EVA1C: variants seen among roughly 807,000 people sequenced by gnomAD.
The protein encoded by EVA1C is protein eva-1 homolog C.
EVA1C carries 25 observed loss-of-function variants against 45.4 expected under a neutral mutation model. That is an observed-to-expected ratio of 0.55 (90% CI 0.40 to 0.77). EVA1C has a LOEUF of 0.77. EVA1C is among the 30% of genes least tolerant of loss of function. EVA1C has a pLI of 0.00. For missense variants in EVA1C, 479 were observed against 554.8 expected (o/e 0.86, Z 1.37); for synonymous variants, 190 against 221.2 (o/e 0.86, Z 1.25).
intron 1 of EVA1C, among the ~76,000 whole-genome samples, chr21:32,443,104 G>A (rs1047603680): frequency 2.6e-5 from 4 of 152,162 alleles, no homozygotes; most frequent in Admixed American, 1.3e-4. Context: ...GGGCAGCCAC[G>A]GGGCTATGTA....
At chr21:32,494,690 G>T (rs1221415288) in intron 4 of EVA1C, among the ~76,000 whole-genome samples, 1 of 152,058 alleles carries the variant, frequency 6.6e-6, no homozygotes, top group African/African-American at 2.4e-5. Context: ...GGCTGAGGCA[G>T]GAGAATTGCT....
At chr21:32,440,030 C>T (rs2035115016) in intron 1 of EVA1C, among the ~76,000 whole-genome samples, 1 of 151,392 alleles carries the variant, frequency 6.6e-6, no homozygotes, top group Non-Finnish European at 1.5e-5. Flanking sequence ...GAAAGGCTGT[C>T]TAAGCGGGTG....
Position 32,457,651 on chromosome 21 carries a change from C to G in EVA1C, c.412C>G (p.Arg138Gly). Residue 138 changes from arginine (R) to glycine (G), a missense_variant, in exon 3 of 8, where the codon CGT (arginine) becomes GGT (glycine). Physicochemically the swap from Arg to Gly is moderately radical, Grantham distance 125 (BLOSUM62 -2). Coordinates refer to ENST00000300255, the MANE Select transcript of EVA1C (RefSeq NM_058187.5). ...QRACHLLVNS[R>G]VFGPDLCPGS... is the part of the protein sequence containing the mutation. ...GGCCTGCCACCTCCTGGTCAATAGC[C>G]GTGTTTTTGGACCTGACCTTTGTCC... 2.5e-6 allele frequency: 4 copies of G among 1,614,086 alleles called. No individual in the cohort carries two copies. Among genetic ancestry groups the G allele is most frequent in the Middle Eastern group, 1.6e-4 (1 of 6,062 alleles).
At chr21:32,501,659 G>A (rs1250137302) in intron 6 of EVA1C, 164 bp downstream of exon 6, 1 of 752,520 alleles carries the variant, frequency 1.3e-6, no homozygotes, top group African/African-American at 1.8e-5. Flanking sequence ...GCCAATAGTT[G>A]CAAATGGTGA....
chr21:32,484,204 A>G (rs1242404887), intron 4 of EVA1C, among the ~76,000 whole-genome samples: 1 of 152,158 alleles, frequency 6.6e-6, no homozygotes, highest in African/African-American at 2.4e-5. Flanking sequence ...TCCCTGGAAC[A>G]TAGTTCGATG....
At chr21:32,509,264 G>A (rs2037869531) in intron 7 of EVA1C, among the ~76,000 whole-genome samples, 1 of 152,238 alleles carries the variant, frequency 6.6e-6, no homozygotes, top group African/African-American at 2.4e-5. Flanking sequence ...TGACTAGGAA[G>A]CCTTGTTCCC....
chr21:32,494,085 C>A (rs2146402867), intron 4 of EVA1C, among the ~76,000 whole-genome samples: 1 of 152,334 alleles, frequency 6.6e-6, no homozygotes, highest in Admixed American at 6.5e-5. Context: ...CAGGCGTGAG[C>A]CACTGTGCCT....
At chr21:32,473,574 C>G (rs1417622404) in intron 4 of EVA1C, among the ~76,000 whole-genome samples, 4 of 152,232 alleles carry the variant, frequency 2.6e-5, no homozygotes, top group Non-Finnish European at 5.9e-5. Flanking sequence ...AGTCCCAGGG[C>G]GGTCCCATGG....
intron 1 of EVA1C, among the ~76,000 whole-genome samples, chr21:32,447,615 A>T (rs927533185): frequency 1.3e-5 from 2 of 151,596 alleles, no homozygotes; most frequent in Non-Finnish European, 2.9e-5. Context: ...GATCCTGGGG[A>T]TTAAGGCCTG....
intron 1 of EVA1C, among the ~76,000 whole-genome samples, chr21:32,444,524 C>T (rs192422048): frequency 1.1e-3 from 175 of 152,244 alleles, no homozygotes; most frequent in African/African-American, 4.0e-3. Flanking sequence ...GGAAGCAGTG[C>T]GGAGCTTCTG....
chr21:32,501,637 C>A (rs1053505922), intron 6 of EVA1C, 142 bp downstream of exon 6: 9 of 970,816 alleles, frequency 9.3e-6, no homozygotes, highest in South Asian at 2.1e-5. Context: ...GTGATAATAG[C>A]GCTTATTATC....
intron 3 of EVA1C, among the ~76,000 whole-genome samples, chr21:32,458,143 A>T (rs1601319343): frequency 6.6e-6 from 1 of 152,116 alleles, no homozygotes; most frequent in Non-Finnish European, 1.5e-5. Context: ...CCCACTTGCC[A>T]CCTGCGCCCA....
intron 1 of EVA1C, among the ~76,000 whole-genome samples, chr21:32,442,296 G>A (rs1026022414): frequency 1.3e-5 from 2 of 152,156 alleles, no homozygotes; most frequent in South Asian, 4.1e-4. Context: ...GGTGGCTCTA[G>A]TTCTCTTCAC....
chr21:32,485,791 C>T (rs1348057239), intron 4 of EVA1C, among the ~76,000 whole-genome samples: 1 of 152,200 alleles, frequency 6.6e-6, no homozygotes, highest in Non-Finnish European at 1.5e-5. Flanking sequence ...ACACTGAGAC[C>T]TAAGTCAAGT....
intron 1 of EVA1C, among the ~76,000 whole-genome samples, chr21:32,450,383 ATTT>A (rs3056328): frequency 7.6e-5 from 11 of 145,590 alleles, no homozygotes; most frequent in South Asian, 2.2e-4. Flanking sequence ...GAGCCTTGTC[ATTT>A]TTTTTTTTTT....
intron 7 of EVA1C, among the ~76,000 whole-genome samples, chr21:32,510,441 C>T (rs2037910844): frequency 1.3e-5 from 2 of 152,050 alleles, no homozygotes; most frequent in African/African-American, 4.8e-5. Context: ...AGTGATGTGA[C>T]CCAATGTGTG....
chr21:32,412,650 C>A (rs2033862771), upstream of EVA1C: 3 of 430,884 alleles, frequency 7.0e-6, no homozygotes, highest in Non-Finnish European at 1.2e-5. Context: ...CCTCGCCCCG[C>A]CCCAGTTCTC....
At position 32,457,654 on chromosome 21, in the gene EVA1C, G is replaced by A; in HGVS notation, c.415G>A (p.Val139Ile). Residue 139 changes from valine to isoleucine, a missense_variant, in exon 3 of 8, where the codon GTT becomes ATT. Physicochemically the swap from Val to Ile is conservative, Grantham distance 29. Transcript: ENST00000300255. Reference protein sequence around the residue: ...RACHLLVNSRVFGPDLCPGSS... With the variant: ...RACHLLVNSRIFGPDLCPGSS... Reference sequence around the variant, plus strand: ...CTGCCACCTCCTGGTCAATAGCCGTGTTTTTGGACCTGACCTTTGTCCAGG... The same window carrying A: ...CTGCCACCTCCTGGTCAATAGCCGTATTTTTGGACCTGACCTTTGTCCAGG... 2 of 1,614,162 alleles carry A rather than the reference G, an allele frequency of 1.2e-6. No homozygotes were observed. Among genetic ancestry groups the A allele is most frequent in the South Asian group, 1.1e-5 (1 of 91,086 alleles).
intron 7 of EVA1C, among the ~76,000 whole-genome samples, chr21:32,504,982 A>G (rs1324741698): frequency 1.3e-5 from 2 of 152,014 alleles, no homozygotes; most frequent in East Asian, 1.9e-4. Flanking sequence ...CAGGCAAGAG[A>G]GCTTGTGCAG....
Sources: allele counts gnomAD v4.1 joint callset (sites outside exome capture counted in the v4.1 genomes callset), GRCh38; gene constraint gnomAD v4.1.1; transcripts MANE v1.5; gene names NCBI Gene and HGNC (gene_info 2026-07-23, HGNC 2026-07-21).